The following PADI3 variants were observed in gnomAD, a reference collection of about 807,000 sequenced individuals.
The protein encoded by PADI3 is protein-arginine deiminase type-3.
Under a neutral mutation model 71.5 loss-of-function variants are expected in PADI3, and 53 were observed. The ratio of observed to expected loss-of-function variants is 0.74; its 90% CI spans 0.59 to 0.93. The LOEUF (loss-of-function observed/expected upper bound fraction) is 0.93. PADI3 is among the 40% of genes least tolerant of loss of function. The pLI is 0.00. For synonymous variants in PADI3, 361 were observed against 347.5 expected, an observed-to-expected ratio of 1.04 and a Z score of -0.43; for missense variants, 821 against 868.0, an observed-to-expected ratio of 0.95 and a Z score of 0.68.
Position 17,262,130 on chromosome 1 carries a change from C to T in PADI3, c.274-3C>T. 2.5e-6 allele frequency: 4 copies of T among 1,613,554 alleles called. No homozygotes were observed. The highest frequency in any genetic ancestry group is 3.4e-6 in the Non-Finnish European group (4 of 1,179,730). On this transcript the variant is annotated splice_polypyrimidine_tract_variant and splice_region_variant and intron_variant, in intron 2 of 15. Transcript: ENST00000375460. Reference sequence around the variant, plus strand: ...GTATTACTCTGCGCCCAACTCTCCACAGGTTCAGATTTCCTACCACTCCAG... The same window carrying T: ...GTATTACTCTGCGCCCAACTCTCCATAGGTTCAGATTTCCTACCACTCCAG...
chr1:17,268,563 A>G (rs1306350241), intron 6 of PADI3, among the ~76,000 whole-genome samples: 1 of 134,440 alleles, frequency 7.4e-6, no homozygotes, highest in Admixed American at 8.5e-5. Flanking sequence ...GCTGGAGTAC[A>G]GTGGCGTGAC....
chr1:17,281,818 G>A (rs2073404203), intron 15 of PADI3, among the ~76,000 whole-genome samples: 1 of 152,222 alleles, frequency 6.6e-6, no homozygotes, highest in African/African-American at 2.4e-5. Context: ...CAGCGGTCCT[G>A]ATTCAGCAGG....
chr1:17,274,914 C>A, intron 11 of PADI3, 128 bp downstream of exon 11: 1 of 1,012,856 alleles, frequency 9.9e-7, no homozygotes, highest in South Asian at 1.7e-5. Flanking sequence ...AAATTATACT[C>A]CCGGATGTGC....
At chr1:17,265,533 A>G (rs2073156281) in intron 3 of PADI3, 126 bp from the exon 4 acceptor site, 4 of 815,044 alleles carry the variant, frequency 4.9e-6, no homozygotes, top group South Asian at 4.5e-5. Flanking sequence ...AGATGCCCTC[A>G]CCTCTTGGAT....
At chr1:17,252,818 A>T (rs2072982755) in intron 1 of PADI3, among the ~76,000 whole-genome samples, 1 of 152,094 alleles carries the variant, frequency 6.6e-6, no homozygotes, top group Non-Finnish European at 1.5e-5. Flanking sequence ...ACCCATTCCC[A>T]CTGGGCTTTC....
rs568532306 is a variant in PADI3, at chr1:17,283,801, G to T, written c.*722G>T. The T allele has an allele frequency of 6.6e-6, 1 of 152,292 alleles. No homozygotes were observed. The highest frequency in any genetic ancestry group is 1.5e-5 in the Non-Finnish European group (1 of 68,092). The allele number at this position is 152,292 out of a possible 1,614,324, so 9.4% of individuals were successfully genotyped here. A position where few individuals can be genotyped will look rare whatever the true frequency, so the allele number is the denominator to read the frequency against. On this transcript the variant is annotated 3_prime_UTR_variant, in exon 16 of 16. Transcript: ENST00000375460. ...AATCCTCCTGGAATTTCTTGGAGAC[G>T]AAAGTATCTGGGGGATTGTTGGGTA...
At chr1:17,274,453 G>A (rs1481543941) in intron 10 of PADI3, among the ~76,000 whole-genome samples, 182 bp from the exon 11 acceptor site, 1 of 152,222 alleles carries the variant, frequency 6.6e-6, no homozygotes, top group African/African-American at 2.4e-5. Flanking sequence ...GACTTTGCCT[G>A]CTATGCGTGC....
chr1:17,251,652 G>C (rs1022911031), intron 1 of PADI3, among the ~76,000 whole-genome samples: 1 of 152,230 alleles, frequency 6.6e-6, no homozygotes, highest in African/African-American at 2.4e-5. Flanking sequence ...CCAGTGAGTG[G>C]CAGAGCCAGG....
chr1:17,277,075 C>A (rs143300369), intron 13 of PADI3, among the ~76,000 whole-genome samples, 199 bp downstream of exon 13: 1,598 of 152,258 alleles, frequency 0.01, 13 homozygotes, highest in Middle Eastern at 0.031. Context: ...AGGTGGGAAG[C>A]GGGGTGATAG....
intron 9 of PADI3, 79 bp downstream of exon 9, chr1:17,271,257 A>C: frequency 8.1e-7 from 1 of 1,238,414 alleles, no homozygotes; most frequent in South Asian, 1.3e-5. Context: ...CCACCGAGAA[A>C]CATCCAGGAG....
chr1:17,259,780 T>C (rs1394376471), intron 2 of PADI3, 22 bp downstream of exon 2: 1 of 1,574,762 alleles, frequency 6.4e-7, no homozygotes, highest in Admixed American at 1.8e-5. Context: ...CCTGGTGGGG[T>C]GGGGAGAGGT....
Position 17,274,740 on chromosome 1 carries a change from A to T in PADI3, c.1261A>T (p.Lys421Ter). The part of the protein sequence containing the change: ...EVSPPVVANG[K>*]EYPLGRILIG... ...CAGCCCTCCAGTGGTGGCCAATGGGAAAGAGTACCCCCTGGGGAGGATCCT... is the reference window on the plus strand; with the variant it reads ...CAGCCCTCCAGTGGTGGCCAATGGGTAAGAGTACCCCCTGGGGAGGATCCT... Residue 421 changes from lysine (K) to a stop codon, truncating the protein, a stop_gained, in exon 11 of 16, where the codon AAA becomes TAA. Transcript: ENST00000375460. LOFTEE classifies it high-confidence loss of function. 3.1e-6 allele frequency: 5 copies of T among 1,613,690 alleles called. No individual in the cohort carries two copies. The highest frequency in any genetic ancestry group is 4.2e-6 in the Non-Finnish European group (5 of 1,179,844).
In PADI3 at chr1:17,266,777, G is replaced by T; in HGVS notation, c.467G>T (p.Arg156Leu). 3 of 1,614,142 alleles carry T rather than the reference G, an allele frequency of 1.9e-6. No homozygotes were observed. Among genetic ancestry groups the T allele is most frequent in the Non-Finnish European group, 2.5e-6 (3 of 1,180,016 alleles). ...GGCATCTTGCTGGTGAACTGTGACC[G>T]TGATGATCCGAGCTGTGATGTCCAG... Reference protein sequence around the residue: ...YGGILLVNCDRDDPSCDVQDN... With the variant: ...YGGILLVNCDLDDPSCDVQDN... The change falls in exon 5 of 16, where the codon CGT becomes CTT. Residue 156 changes from arginine to leucine, a missense_variant. By Grantham distance (102) the Arg-to-Leu change is moderately radical. Coordinates refer to ENST00000375460, the MANE Select transcript of PADI3 (RefSeq NM_016233.2).
At chr1:17,271,854 A>AAAG (rs1553135554) in intron 9 of PADI3, among the ~76,000 whole-genome samples, 1 of 132,324 alleles carries the variant, frequency 7.6e-6, no homozygotes, top group African/African-American at 2.9e-5. Flanking sequence ...AAAAAAAAAA[A>AAAG]AGAGAGAGAG....
Position 17,283,020 on chromosome 1 carries a change from T to C in PADI3, c.1936T>C (p.Cys646Arg), listed in dbSNP as rs1458281916. 6.2e-7 allele frequency: 1 copy of C among 1,614,218 alleles called. No individual in the cohort carries two copies. Among genetic ancestry groups the C allele is most frequent in the East Asian group, 2.2e-5 (1 of 44,878 alleles). ...CCACATGCTGCATGGGGAGGTGCACTGTGGCACCAATGTGTGCAGAAAGCC... is the reference window on the plus strand; with the variant it reads ...CCACATGCTGCATGGGGAGGTGCACCGTGGCACCAATGTGTGCAGAAAGCC... ...PYHMLHGEVH[C>R]GTNVCRKPFS... The change falls in exon 16 of 16, where the codon TGT becomes CGT. Residue 646 changes from cysteine (C) to arginine (R), a missense_variant. Transcript: ENST00000375460.
intron 1 of PADI3, among the ~76,000 whole-genome samples, chr1:17,256,551 C>T (rs922516372): frequency 4.0e-5 from 5 of 125,446 alleles, no homozygotes; most frequent in Non-Finnish European, 7.1e-5. Flanking sequence ...GGGGATCCCC[C>T]AGCATCTCAC....
chr1:17,259,211 AG>A (rs1243901809), intron 1 of PADI3, among the ~76,000 whole-genome samples: 4 of 152,202 alleles, frequency 2.6e-5, no homozygotes, highest in African/African-American at 9.7e-5. Context: ...CTGGGATTAC[AG>A]GCATATGCTA....
intron 13 of PADI3, among the ~76,000 whole-genome samples, chr1:17,278,690 C>G (rs997448848): frequency 1.3e-5 from 2 of 152,060 alleles, no homozygotes; most frequent in Non-Finnish European, 2.9e-5. Context: ...GAGGATCCTC[C>G]CTTTCTCAGT....
At chr1:17,257,211 A>G (rs985065206) in intron 1 of PADI3, among the ~76,000 whole-genome samples, 1 of 151,778 alleles carries the variant, frequency 6.6e-6, no homozygotes, top group South Asian at 2.1e-4. Context: ...GGGTCTCTCC[A>G]AGTCTCTCTG....
Sources: allele counts gnomAD v4.1 joint callset (sites outside exome capture counted in the v4.1 genomes callset), GRCh38; gene constraint gnomAD v4.1.1; transcripts MANE v1.5; gene names NCBI Gene and HGNC (gene_info 2026-07-23, HGNC 2026-07-21).